SMAGP: variants seen among roughly 807,000 people sequenced by gnomAD.
SMAGP encodes small cell adhesion glycoprotein.
A neutral mutation model predicts 10.1 loss-of-function variants in SMAGP; 7 were observed. That is an observed-to-expected ratio of 0.70 (90% CI 0.40 to 1.31). The LOEUF (loss-of-function observed/expected upper bound fraction) is 1.31. Ranked by LOEUF, SMAGP falls within the 50% of genes most tolerant of loss-of-function variation. The pLI is 0.01. For missense variants in SMAGP, 113 were observed against 116.5 expected (o/e 0.97, Z 0.14); for synonymous variants, 49 against 47.2 (o/e 1.04, Z -0.16).
chr12:51,254,879 CCT>C (rs997364615), intron 2 of SMAGP, among the ~76,000 whole-genome samples: 41 of 152,110 alleles, frequency 2.7e-4, no homozygotes, highest in African/African-American at 8.9e-4. Context: ...TATGGAGGCC[CCT>C]GAGTGGGAGT....
At chr12:51,267,118 AAAT>A (rs1259510609) in intron 2 of SMAGP, among the ~76,000 whole-genome samples, 2 of 152,132 alleles carry the variant, frequency 1.3e-5, no homozygotes, top group Admixed American at 1.3e-4. Flanking sequence ...TTGGTCTCAA[AAAT>A]AATAATAATA....
intron 2 of SMAGP, among the ~76,000 whole-genome samples, chr12:51,264,665 C>T (rs950111458): frequency 2.3e-4 from 35 of 148,960 alleles, no homozygotes; most frequent in Non-Finnish European, 1.9e-4. Flanking sequence ...GGCACAGTGG[C>T]TCATGCCTGT....
At chr12:51,246,393 CG>C (rs1187454207) in intron 3 of SMAGP, 2 of 476,686 alleles carry the variant, frequency 4.2e-6, no homozygotes, top group African/African-American at 3.9e-5. Flanking sequence ...CTTAAAGAAA[CG>C]GGAAGGAGGG....
intron 2 of SMAGP, among the ~76,000 whole-genome samples, chr12:51,258,985 A>G (rs920670350): frequency 7.2e-4 from 16 of 22,122 alleles, no homozygotes; most frequent in Non-Finnish European, 3.9e-3. Flanking sequence ...TGTCTCTACC[A>G]AAAAAAAAAA....
In SMAGP at chr12:51,245,801, G is replaced by T; in HGVS notation, c.*140C>A. The stretch of plus-strand genomic sequence containing the variant: ...CCTGGAGTCAGTGATGTCGGCATTT[G>T]GGACTGCGACCTGGCTGGAGCTTGG... On this transcript the variant is annotated 3_prime_UTR_variant, in exon 4 of 4. Transcript: ENST00000603798. 5 of 917,900 alleles carry T rather than the reference G, an allele frequency of 5.4e-6. No homozygotes were observed. The highest frequency in any genetic ancestry group is 6.5e-6 in the Non-Finnish European group (4 of 616,168). The allele number at this position is 917,900 out of a possible 1,614,324, so 56.9% of individuals were successfully genotyped here. A position where few individuals can be genotyped will look rare whatever the true frequency, so the allele number is the denominator to read the frequency against.
chr12:51,264,393 G>A (rs1239233446), intron 2 of SMAGP, among the ~76,000 whole-genome samples: 16 of 152,160 alleles, frequency 1.1e-4, no homozygotes, highest in Admixed American at 7.9e-4. Context: ...AACAACTCAG[G>A]GGCAGAGGAA....
rs1565656060 is a variant in SMAGP at position 51,246,744 on chromosome 12, CTA to C, written c.115+5_115+6del. The C allele has an allele frequency of 1.3e-6, 2 of 1,571,088 alleles. No individual in the cohort carries two copies. Among genetic ancestry groups the C allele is most frequent in the South Asian group, 2.4e-5 (2 of 84,298 alleles). On this transcript the variant is annotated splice_donor_5th_base_variant and intron_variant, in intron 3 of 3. Transcript: ENST00000603798. ...AGGTCCCTTGGAGTTGGCTCAGAGT[CTA>C]TTACCTGCAATGAGTGCTGTGCTGG...
At chr12:51,260,061 G>T (rs1023744899) in intron 2 of SMAGP, among the ~76,000 whole-genome samples, 4 of 152,000 alleles carry the variant, frequency 2.6e-5, no homozygotes, top group African/African-American at 9.7e-5. Flanking sequence ...CAATGATAAA[G>T]AATTACTTTT....
At chr12:51,261,761 T>C (rs891026327) in intron 2 of SMAGP, among the ~76,000 whole-genome samples, 5 of 152,104 alleles carry the variant, frequency 3.3e-5, no homozygotes, top group South Asian at 2.1e-4. Context: ...AATCCAGACA[T>C]ACTTAGAATG....
intron 2 of SMAGP, among the ~76,000 whole-genome samples, chr12:51,253,043 T>C (rs1436681742): frequency 2.0e-5 from 3 of 152,082 alleles, no homozygotes; most frequent in African/African-American, 7.2e-5. Flanking sequence ...GAAGGGGCCA[T>C]GGAAGGAAGG....
At chr12:51,268,273 G>A (rs189875896) in intron 2 of SMAGP, among the ~76,000 whole-genome samples, 23 of 151,514 alleles carry the variant, frequency 1.5e-4, no homozygotes, top group South Asian at 2.1e-4. Context: ...GAGTGCTTAC[G>A]AGATACTACA....
intron 2 of SMAGP, among the ~76,000 whole-genome samples, chr12:51,254,424 G>C (rs540713244): frequency 1.6e-4 from 24 of 152,068 alleles, no homozygotes; most frequent in African/African-American, 5.8e-4. Flanking sequence ...GCGTATGCCT[G>C]TAGTCCCAGC....
At chr12:51,249,303 A>G (rs191565371) in intron 2 of SMAGP, among the ~76,000 whole-genome samples, 1 of 152,030 alleles carries the variant, frequency 6.6e-6, no homozygotes, top group East Asian at 1.9e-4. Context: ...TGAACTCCAA[A>G]GCAGGGGTTG....
intron 2 of SMAGP, among the ~76,000 whole-genome samples, chr12:51,247,546 C>G (rs1214399772): frequency 6.6e-6 from 1 of 152,116 alleles, no homozygotes; most frequent in Non-Finnish European, 1.5e-5. Context: ...TACCCAGGGA[C>G]AGAACATGAC....
At chr12:51,265,959 G>A (rs964672504) in intron 2 of SMAGP, among the ~76,000 whole-genome samples, 2 of 152,082 alleles carry the variant, frequency 1.3e-5, no homozygotes, top group African/African-American at 4.8e-5. Flanking sequence ...GTGGGCGCCT[G>A]TAGTCCCAGC....
chr12:51,258,874 C>T (rs1944908313), intron 2 of SMAGP, among the ~76,000 whole-genome samples: 1 of 149,372 alleles, frequency 6.7e-6, no homozygotes, highest in African/African-American at 2.5e-5. Flanking sequence ...AGGCTGGGTG[C>T]AGTGGCTCAT....
At chr12:51,247,894 T>C (rs1005628671) in intron 2 of SMAGP, among the ~76,000 whole-genome samples, 3 of 152,116 alleles carry the variant, frequency 2.0e-5, no homozygotes, top group East Asian at 1.9e-4. Context: ...CTTAGGAAAG[T>C]GTGCAGCCGA....
At chr12:51,260,116 A>G (rs927859661) in intron 2 of SMAGP, among the ~76,000 whole-genome samples, 1 of 152,170 alleles carries the variant, frequency 6.6e-6, no homozygotes, top group Non-Finnish European at 1.5e-5. Flanking sequence ...AGGCACCAGC[A>G]ATATAAATAT....
chr12:51,260,249 C>T (rs1326692893), intron 2 of SMAGP, among the ~76,000 whole-genome samples: 7 of 144,296 alleles, frequency 4.9e-5, no homozygotes, highest in East Asian at 2.0e-4. Flanking sequence ...TCTCTGCTCA[C>T]GACAGATCTT....
Sources: allele counts gnomAD v4.1 joint callset (sites outside exome capture counted in the v4.1 genomes callset), GRCh38; gene constraint gnomAD v4.1.1; transcripts MANE v1.5; gene names NCBI Gene and HGNC (gene_info 2026-07-23, HGNC 2026-07-21).